The following NEBL variants were observed in gnomAD, a reference collection of about 807,000 sequenced individuals.
NEBL encodes nebulette, also known as LIM and SH3 protein 2.
Under a neutral mutation model 140.2 loss-of-function variants are expected in NEBL, and 122 were observed. The ratio of observed to expected loss-of-function variants is 0.87; its 90% CI spans 0.75 to 1.01. The LOEUF (loss-of-function observed/expected upper bound fraction) is 1.01. NEBL is among the 50% of genes least tolerant of loss of function. NEBL has a pLI of 0.00. For missense variants in NEBL, 1,365 were observed against 1,231.3 expected, an observed-to-expected ratio of 1.11 and a Z score of -1.62; for synonymous variants, 436 against 398.9, an observed-to-expected ratio of 1.09 and a Z score of -1.11.
chr10:20,843,072 G>A (rs181154511), intron 12 of NEBL, among the ~76,000 whole-genome samples: 7 of 152,178 alleles, frequency 4.6e-5, no homozygotes, highest in South Asian at 4.1e-4. Flanking sequence ...CATTGTGACC[G>A]TACTTGAAGG....
rs145362453 is a variant in NEBL at position 21,036,525 on chromosome 10, T to G, written c.165-16324A>C. Among the ~76,000 whole-genome samples the G allele has an allele frequency of 2.0e-3, 305 of 152,212 alleles. 1 individual carries two copies. The highest frequency in any genetic ancestry group is 7.0e-3 in the African/African-American group (290 of 41,522). The stretch of plus-strand genomic sequence containing the variant: ...AAGGAAAGAAGGAAGACCCCTTAGT[T>G]GATAGTCAATGAATAGGAGCAGATT... On this transcript the variant is annotated intron_variant, in intron 2 of 6. Transcript: ENST00000417816.
intron 4 of NEBL, among the ~76,000 whole-genome samples, chr10:20,924,413 T>TA (rs71390800): frequency 0.49 from 29,127 of 58,900 alleles, 7,464 homozygotes; most frequent in Non-Finnish European, 0.58. Flanking sequence ...AGGCATGAAG[T>TA]AAAAAAAAAA....
intron 2 of NEBL, among the ~76,000 whole-genome samples, chr10:21,067,690 T>C (rs1835629816): frequency 6.6e-6 from 1 of 152,026 alleles, no homozygotes; most frequent in Non-Finnish European, 1.5e-5. Context: ...CCTATTAAAA[T>C]GGAATACAGG....
intron 4 of NEBL, among the ~76,000 whole-genome samples, chr10:20,936,102 C>A (rs1834470162): frequency 6.6e-6 from 1 of 152,156 alleles, no homozygotes; most frequent in Non-Finnish European, 1.5e-5. Context: ...CATTTCCATG[C>A]CAAAATCTTT....
At chr10:20,813,766 CTAAA>C (rs1838406242) in intron 23 of NEBL, 169 bp downstream of exon 23, 1 of 615,270 alleles carries the variant, frequency 1.6e-6, no homozygotes, top group African/African-American at 1.8e-5. Flanking sequence ...TTTTATTAGA[CTAAA>C]TGTTTCCACT....
Position 21,052,584 on chromosome 10 carries a change from G to A in NEBL, c.165-32383C>T, listed in dbSNP as rs138107810. Reference sequence around the variant, plus strand: ...AGCTGACTGTCACCGATTGGTCAGCGGGGTATAGAAGCTCTTTCTATATAG... The same window carrying A: ...AGCTGACTGTCACCGATTGGTCAGCAGGGTATAGAAGCTCTTTCTATATAG... On this transcript the variant is annotated intron_variant, in intron 2 of 6. Transcript: ENST00000417816. Among the ~76,000 whole-genome samples the A allele has an allele frequency of 2.3e-3, 348 of 152,266 alleles. 2 individuals carry two copies. Among genetic ancestry groups the A allele is most frequent in the African/African-American group, 7.3e-3 (303 of 41,534 alleles).
intron 1 of NEBL, among the ~76,000 whole-genome samples, chr10:21,289,890 C>T (rs922576041): frequency 2.6e-5 from 4 of 152,236 alleles, no homozygotes; most frequent in African/African-American, 9.6e-5. Flanking sequence ...TCTGTGGCTG[C>T]TTCTGTAGCA....
chr10:20,821,864 C>T (rs1011019413), intron 19 of NEBL, among the ~76,000 whole-genome samples: 2 of 152,194 alleles, frequency 1.3e-5, no homozygotes, highest in African/African-American at 4.8e-5. Flanking sequence ...CTTCTTGAAT[C>T]CTGGAACAAG....
intron 2 of NEBL, chr10:21,020,334 G>C (rs984666149): frequency 1.6e-5 from 12 of 754,940 alleles, no homozygotes; most frequent in Admixed American, 6.0e-5. Context: ...GCTTGGCTAA[G>C]GTCATCTCTC....
chr10:21,266,046 T>A (rs115862755), intron 1 of NEBL, among the ~76,000 whole-genome samples: 3,880 of 152,314 alleles, frequency 0.025, 55 homozygotes, highest in Middle Eastern at 0.061. Flanking sequence ...TGGCTGCCCC[T>A]GCAGACCAGT....
chr10:21,175,457 C>G (rs957711672), upstream of NEBL, among the ~76,000 whole-genome samples: 2 of 152,198 alleles, frequency 1.3e-5, no homozygotes, highest in South Asian at 4.1e-4. Flanking sequence ...CTCAATAATG[C>G]CACATACCAA....
intron 2 of NEBL, among the ~76,000 whole-genome samples, chr10:21,046,006 T>TACAC (rs61617438): frequency 0.01 from 1,523 of 150,182 alleles, 20 homozygotes; most frequent in African/African-American, 0.023. Flanking sequence ...AAAAATGTGG[T>TACAC]ACACACACAC....
In NEBL at chr10:21,152,389, A is replaced by G. The variant is rs80311269; in HGVS notation, c.164+19994T>C. ...CACCTCCATTTCCCAAAGTTATACAATGCCCCTGGGCTATTCCTCACATCA... is the reference window on the plus strand; with the variant it reads ...CACCTCCATTTCCCAAAGTTATACAGTGCCCCTGGGCTATTCCTCACATCA... On this transcript the variant is annotated intron_variant, in intron 2 of 6. Transcript: ENST00000417816. Among the ~76,000 whole-genome samples, 337 of 152,330 alleles carry G rather than the reference A, an allele frequency of 2.2e-3. 13 individuals are homozygous for G. The East Asian group carries it at 0.058, about 26-fold the overall frequency.
chr10:21,237,032 G>T (rs72800010), intron 3 of NEBL, among the ~76,000 whole-genome samples: 1 of 152,128 alleles, frequency 6.6e-6, no homozygotes, highest in African/African-American at 2.4e-5. Context: ...TGACACCTAA[G>T]CCCAAATGCT....
chr10:21,136,334 T>G (rs1440272335), intron 2 of NEBL, among the ~76,000 whole-genome samples: 1 of 152,180 alleles, frequency 6.6e-6, no homozygotes. Context: ...TCCTACTTTT[T>G]TGTTGTTGTT....
chr10:20,945,114 C>T (rs759746271), intron 4 of NEBL, among the ~76,000 whole-genome samples: 20 of 152,224 alleles, frequency 1.3e-4, no homozygotes, highest in African/African-American at 4.8e-4. Flanking sequence ...CACACAGTCT[C>T]ATTCTTCATT....
At chr10:20,903,538 T>C (rs982473639) in intron 4 of NEBL, among the ~76,000 whole-genome samples, 1 of 151,934 alleles carries the variant, frequency 6.6e-6, no homozygotes, top group Non-Finnish European at 1.5e-5. Flanking sequence ...AGAAAAGAAG[T>C]CCTTATATCA....
intron 1 of NEBL, among the ~76,000 whole-genome samples, chr10:21,279,634 T>C (rs1324662157): frequency 3.3e-5 from 5 of 152,098 alleles, no homozygotes; most frequent in Admixed American, 3.3e-4. Context: ...GGCAGGCACC[T>C]GTAATCCCAG....
intron 27 of NEBL, among the ~76,000 whole-genome samples, chr10:20,786,206 C>T (rs1044888448): frequency 1.3e-5 from 2 of 152,190 alleles, no homozygotes; most frequent in Non-Finnish European, 1.5e-5. Flanking sequence ...TTCCCCCCAA[C>T]TTCAGATAAC....
Sources: gnomAD v4.1 joint callset for allele counts (sites outside exome capture counted in the v4.1 genomes callset) on GRCh38, gnomAD v4.1.1 for gene constraint, MANE v1.5 for transcripts, NCBI Gene and HGNC (gene_info 2026-07-23, HGNC 2026-07-21) for gene names.